Variants in SLC24A3 observed in about 807,000 individuals in gnomAD.
The protein encoded by SLC24A3 is solute carrier family 24 member 3.
SLC24A3 carries 28 observed loss-of-function variants against 75.8 expected under a neutral mutation model. That is an observed-to-expected ratio of 0.37 (90% confidence interval 0.27 to 0.51). The LOEUF (loss-of-function observed/expected upper bound fraction) is 0.51. Ranked by LOEUF, SLC24A3 falls within the 20% of genes least tolerant of loss-of-function variation. The pLI is 0.94. For synonymous variants in SLC24A3, 372 were observed against 334.1 expected, an observed-to-expected ratio of 1.11 and a Z score of -1.24; for missense variants, 663 against 847.8, an observed-to-expected ratio of 0.78 and a Z score of 2.71.
chr20:19,638,216 A>G (rs1403388468), intron 6 of SLC24A3, among the ~76,000 whole-genome samples: 1 of 152,130 alleles, frequency 6.6e-6, no homozygotes, highest in Non-Finnish European at 1.5e-5. Flanking sequence ...ATGATGGCTC[A>G]TTTTTCATAG....
intron 2 of SLC24A3, among the ~76,000 whole-genome samples, chr20:19,430,716 A>G (rs2122451621): frequency 6.6e-6 from 1 of 152,230 alleles, no homozygotes; most frequent in South Asian, 2.1e-4. Flanking sequence ...TCAAATTCAC[A>G]CATGCATACA....
chr20:19,443,880 C>G (rs1987336562), intron 2 of SLC24A3, among the ~76,000 whole-genome samples: 2 of 152,268 alleles, frequency 1.3e-5, no homozygotes, highest in South Asian at 4.1e-4. Flanking sequence ...TTTTCTCTAG[C>G]CATGGATAAG....
chr20:19,589,348 C>T (rs1015174770), intron 6 of SLC24A3, among the ~76,000 whole-genome samples: 7 of 152,204 alleles, frequency 4.6e-5, no homozygotes, highest in Non-Finnish European at 7.3e-5. Context: ...GAGTATTTCT[C>T]CACCAGCTTC....
At chr20:19,549,936 A>G (rs1021903108) in intron 3 of SLC24A3, among the ~76,000 whole-genome samples, 20 of 152,370 alleles carry the variant, frequency 1.3e-4, no homozygotes, top group African/African-American at 4.8e-4. Flanking sequence ...TTTGAACAAT[A>G]GAAAACATGA....
chr20:19,365,780 A>G (rs1238401167), intron 2 of SLC24A3, among the ~76,000 whole-genome samples: 2 of 152,184 alleles, frequency 1.3e-5, no homozygotes, highest in African/African-American at 4.8e-5. Flanking sequence ...CTGAGGCTCC[A>G]TCATTAACAT....
intron 1 of SLC24A3, among the ~76,000 whole-genome samples, chr20:19,250,787 C>A (rs1048562173): frequency 2.0e-5 from 3 of 152,146 alleles, no homozygotes; most frequent in Non-Finnish European, 4.4e-5. Flanking sequence ...GGGAACCAAA[C>A]GTTTATGGAT....
At chr20:19,716,636 C>T (rs370103971) in intron 15 of SLC24A3, among the ~76,000 whole-genome samples, 3 of 152,112 alleles carry the variant, frequency 2.0e-5, no homozygotes, top group African/African-American at 7.2e-5. Context: ...GTAATGAGCA[C>T]TTTGGGTGGC....
At chr20:19,291,959 A>T (rs773974165) in intron 2 of SLC24A3, among the ~76,000 whole-genome samples, 25 of 152,200 alleles carry the variant, frequency 1.6e-4, no homozygotes, top group Non-Finnish European at 3.4e-4. Context: ...CACAGTACCC[A>T]CCCTGTCTTG....
intron 2 of SLC24A3, among the ~76,000 whole-genome samples, chr20:19,411,548 C>G (rs1213844187): frequency 6.6e-6 from 1 of 152,112 alleles, no homozygotes; most frequent in African/African-American, 2.4e-5. Context: ...GTTGAATTTC[C>G]CAGGCAACTG....
At position 19,213,181 on chromosome 20, in the gene SLC24A3, G is replaced by A. The variant is rs760764757; in HGVS notation, c.142+197G>A. On this transcript the variant is annotated intron_variant, in intron 1 of 16. Transcript: ENST00000328041. ...AGGCATGGAGGTGGGGACCCTGAGC[G>A]CCAGCAGCCAGCAGGCTTAGGCGTC... is the stretch of plus-strand genomic sequence containing the variant. 181 of 497,526 alleles carry A rather than the reference G, an allele frequency of 3.6e-4. No homozygotes were observed. In the Middle Eastern group the frequency reaches 7.3e-3, roughly 20 times the overall value. The allele number at this position is 497,526 out of a possible 1,614,324, so 30.8% of individuals were successfully genotyped here. A position where few individuals can be genotyped will look rare whatever the true frequency, so the allele number is the denominator to read the frequency against.
rs2032785846 is a variant in SLC24A3, at chr20:19,694,731, C to T, written c.1491+1306C>T. 6 of 152,340 alleles carry T rather than the reference C, an allele frequency of 3.9e-5. No individual in the cohort carries two copies. In the South Asian group the frequency reaches 1.2e-3, roughly 32 times the overall value. 9.4% of individuals were successfully genotyped at this position (152,340 alleles called of 1,614,324 possible). On this transcript the variant is annotated intron_variant, in intron 13 of 16. Coordinates refer to ENST00000328041, the MANE Select transcript of SLC24A3 (RefSeq NM_020689.4). Reference sequence around the variant, plus strand: ...TTCCTTCTGTTTGCTTCCTTTTCCTCCAGTGGAGGTTCTAATAAGTCCCAA... The same window carrying T: ...TTCCTTCTGTTTGCTTCCTTTTCCTTCAGTGGAGGTTCTAATAAGTCCCAA...
At chr20:19,482,069 G>A (rs752314663) in intron 2 of SLC24A3, among the ~76,000 whole-genome samples, 1 of 152,042 alleles carries the variant, frequency 6.6e-6, no homozygotes, top group African/African-American at 2.4e-5. Flanking sequence ...TGCTTCATTG[G>A]CCTCCAATAC....
At chr20:19,329,556 A>C (rs898195999) in intron 2 of SLC24A3, among the ~76,000 whole-genome samples, 2 of 152,236 alleles carry the variant, frequency 1.3e-5, no homozygotes, top group South Asian at 2.1e-4. Flanking sequence ...TACTTTGGTC[A>C]TTATAATGTT....
intron 2 of SLC24A3, among the ~76,000 whole-genome samples, chr20:19,349,947 T>C (rs6081577): frequency 0.43 from 65,403 of 152,032 alleles, 14,313 homozygotes; most frequent in Middle Eastern, 0.56. Flanking sequence ...AAATTATTGT[T>C]TCACTCATGT....
At chr20:19,483,463 T>C (rs1988087609) in intron 2 of SLC24A3, among the ~76,000 whole-genome samples, 1 of 152,154 alleles carries the variant, frequency 6.6e-6, no homozygotes, top group South Asian at 2.1e-4. Flanking sequence ...TGTGGAGTAA[T>C]TGTGTGTGTA....
intron 4 of SLC24A3, 65 bp downstream of exon 4, chr20:19,580,139 T>C: frequency 7.1e-7 from 1 of 1,416,676 alleles, no homozygotes; most frequent in Non-Finnish European, 9.9e-7. Context: ...CCCTGTACTG[T>C]TCCAGCCTCC....
intron 6 of SLC24A3, among the ~76,000 whole-genome samples, chr20:19,604,636 C>T (rs1228038604): frequency 6.6e-6 from 1 of 152,164 alleles, no homozygotes. Context: ...TCTGAAGGTG[C>T]TCAGTGGTTC....
At chr20:19,330,083 G>A (rs1984965034) in intron 2 of SLC24A3, among the ~76,000 whole-genome samples, 1 of 152,222 alleles carries the variant, frequency 6.6e-6, no homozygotes, top group African/African-American at 2.4e-5. Flanking sequence ...TGCAGCAAGA[G>A]TCTGGGGCTA....
At chr20:19,448,789 C>G (rs981849115) in intron 2 of SLC24A3, among the ~76,000 whole-genome samples, 6 of 152,212 alleles carry the variant, frequency 3.9e-5, no homozygotes, top group Non-Finnish European at 8.8e-5. Flanking sequence ...GTCAAAGAGT[C>G]AATGAGACAA....
Sources: gnomAD v4.1 joint callset for allele counts (sites outside exome capture counted in the v4.1 genomes callset) on GRCh38, gnomAD v4.1.1 for gene constraint, MANE v1.5 for transcripts, NCBI Gene and HGNC (gene_info 2026-07-23, HGNC 2026-07-21) for gene names.